Variants in CDH13 observed in about 807,000 individuals in gnomAD.
CDH13 encodes cadherin 13, also known as cadherin-13.
In CDH13, 24 loss-of-function variants were observed where a neutral mutation model predicts 63.8. The ratio of observed to expected loss-of-function variants is 0.38; its 90% confidence interval spans 0.27 to 0.53. CDH13 has a LOEUF of 0.53. Among genes scored for constraint, CDH13 ranks in the 20% least tolerant of loss-of-function variants. The probability of loss-of-function intolerance (pLI) is 0.85; values close to 1 mark genes in which losing one functional copy is unlikely to be tolerated. For synonymous variants in CDH13, 503 were observed against 355.3 expected (o/e 1.42, Z -4.67); for missense variants, 1,049 against 903.1 (o/e 1.16, Z -2.07).
At chr16:82,807,388 C>T (rs529056937) in intron 1 of CDH13, among the ~76,000 whole-genome samples, 37 of 152,146 alleles carry the variant, frequency 2.4e-4, no homozygotes, top group East Asian at 5.8e-4. Context: ...GCAGTTTGGG[C>T]GGCCTAATTG....
chr16:83,436,606 C>G (rs1324569284), intron 6 of CDH13, among the ~76,000 whole-genome samples: 3 of 152,238 alleles, frequency 2.0e-5, no homozygotes, highest in African/African-American at 7.2e-5. Flanking sequence ...CTTCCCTGAA[C>G]TCATAAAGTT....
intron 1 of CDH13, among the ~76,000 whole-genome samples, chr16:82,847,666 G>T (rs181299392): frequency 6.6e-6 from 1 of 152,296 alleles, no homozygotes; most frequent in African/African-American, 2.4e-5. Context: ...CACAGGTCCT[G>T]GGGAGTAGGG....
intron 7 of CDH13, among the ~76,000 whole-genome samples, chr16:83,508,825 C>T (rs1344262812): frequency 6.6e-6 from 1 of 152,218 alleles, no homozygotes; most frequent in Admixed American, 6.5e-5. Context: ...ATCCATTATT[C>T]TCTCTTGTCT....
intron 4 of CDH13, among the ~76,000 whole-genome samples, chr16:83,167,917 G>A (rs2037753420): frequency 1.3e-5 from 2 of 151,894 alleles, no homozygotes; most frequent in Admixed American, 1.3e-4. Flanking sequence ...ATGCAGCCAG[G>A]GGCTATTATC....
intron 2 of CDH13, among the ~76,000 whole-genome samples, chr16:82,953,035 G>A (rs563032893): frequency 3.9e-5 from 6 of 152,264 alleles, no homozygotes; most frequent in Middle Eastern, 6.8e-3. Context: ...TGTTTTAAGC[G>A]ATAGAGAATT....
In CDH13 at chr16:82,789,869, G is replaced by A. The variant is rs567852879; in HGVS notation, c.46-68493G>A. ...CTGTCCACAGAGCATCTCCTCACTG[G>A]ACAGGCATTGTGGGCACGCTCCTGC... On this transcript the variant is annotated intron_variant, in intron 1 of 13. Coordinates refer to ENST00000567109, the MANE Select transcript of CDH13 (RefSeq NM_001257.5). Among the ~76,000 whole-genome samples, 3 of 152,234 alleles carry A rather than the reference G, an allele frequency of 2.0e-5. No homozygotes were observed. In the South Asian group the frequency reaches 6.2e-4, roughly 32 times the overall value.
At chr16:83,757,020 C>T (rs1913565871) in intron 11 of CDH13, among the ~76,000 whole-genome samples, 1 of 152,212 alleles carries the variant, frequency 6.6e-6, no homozygotes, top group African/African-American at 2.4e-5. Flanking sequence ...TGTTTGCATG[C>T]AGAGCATATA....
chr16:83,083,507 A>G (rs1262195318), intron 3 of CDH13, among the ~76,000 whole-genome samples: 1 of 152,226 alleles, frequency 6.6e-6, no homozygotes, highest in African/African-American at 2.4e-5. Flanking sequence ...TGGAGAGATT[A>G]CTGACATGCC....
intron 10 of CDH13, among the ~76,000 whole-genome samples, chr16:83,744,800 G>A (rs924352742): frequency 1.1e-4 from 16 of 152,202 alleles, no homozygotes; most frequent in African/African-American, 2.9e-4. Flanking sequence ...CACAGAGGAG[G>A]AAGTAGAAAC....
At chr16:83,570,962 T>C (rs1331081795) in intron 7 of CDH13, among the ~76,000 whole-genome samples, 1 of 138,820 alleles carries the variant, frequency 7.2e-6, no homozygotes, top group African/African-American at 2.6e-5. Flanking sequence ...TATATATATA[T>C]ATATATATAA....
At chr16:83,011,661 A>T (rs1382758249) in intron 2 of CDH13, among the ~76,000 whole-genome samples, 1 of 152,202 alleles carries the variant, frequency 6.6e-6, no homozygotes, top group Non-Finnish European at 1.5e-5. Context: ...TTCGGGGACC[A>T]GGGGACACCT....
intron 7 of CDH13, among the ~76,000 whole-genome samples, chr16:83,576,066 T>G (rs1192677546): frequency 6.6e-6 from 1 of 152,260 alleles, no homozygotes; most frequent in East Asian, 1.9e-4. Context: ...TTTAGTACTT[T>G]CACGATGTTG....
intron 1 of CDH13, among the ~76,000 whole-genome samples, chr16:82,842,136 A>ATG (rs2039050048): frequency 2.1e-5 from 1 of 46,930 alleles, no homozygotes; most frequent in Admixed American, 2.1e-4. Flanking sequence ...ATATATATAT[A>ATG]TACACATATA....
intron 11 of CDH13, among the ~76,000 whole-genome samples, chr16:83,756,514 A>G (rs1473533940): frequency 6.6e-6 from 1 of 152,208 alleles, no homozygotes; most frequent in Non-Finnish European, 1.5e-5. Context: ...GCCCAACACA[A>G]ATTTTTAAAC....
chr16:82,843,142 C>A (rs562709587), intron 1 of CDH13, among the ~76,000 whole-genome samples: 2 of 152,182 alleles, frequency 1.3e-5, no homozygotes, highest in Non-Finnish European at 1.5e-5. Flanking sequence ...GTTGTGTTTT[C>A]AAAGAAGGTA....
intron 5 of CDH13, among the ~76,000 whole-genome samples, chr16:83,344,325 A>G (rs1278009500): frequency 6.6e-6 from 1 of 152,222 alleles, no homozygotes; most frequent in East Asian, 1.9e-4. Flanking sequence ...AATTGTAAAC[A>G]GCCTGGTGGG....
chr16:82,709,628 C>A (rs545896546), intron 1 of CDH13, among the ~76,000 whole-genome samples: 3 of 152,164 alleles, frequency 2.0e-5, no homozygotes, highest in African/African-American at 7.2e-5. Flanking sequence ...TTTGGCCCAG[C>A]GACTGCGACA....
intron 4 of CDH13, among the ~76,000 whole-genome samples, chr16:83,127,585 C>T (rs892284970): frequency 6.6e-6 from 1 of 151,882 alleles, no homozygotes; most frequent in Non-Finnish European, 1.5e-5. Context: ...CAAAAATTAG[C>T]CAGTGTCATG....
At chr16:83,784,915 A>C (rs1040009866) in intron 13 of CDH13, among the ~76,000 whole-genome samples, 1 of 152,188 alleles carries the variant, frequency 6.6e-6, no homozygotes, top group Admixed American at 6.5e-5. Flanking sequence ...AACCTCGATT[A>C]TCTCACTGGC....
Sources: allele counts gnomAD v4.1 joint callset (sites outside exome capture counted in the v4.1 genomes callset), GRCh38; gene constraint gnomAD v4.1.1; transcripts MANE v1.5; gene names NCBI Gene and HGNC (gene_info 2026-07-23, HGNC 2026-07-21).